The following CORO1C variants were observed in gnomAD, a reference collection of about 807,000 sequenced individuals.
CORO1C encodes the protein coronin 1C.
In CORO1C, 14 loss-of-function variants were observed where a neutral mutation model predicts 51.2. The observed-to-expected ratio is 0.27, with a 90% CI of 0.18 to 0.43. The LOEUF is 0.43. Ranked by LOEUF, CORO1C falls within the 20% of genes least tolerant of loss-of-function variation. The probability of loss-of-function intolerance (pLI) is 1.00; values close to 1 mark genes in which losing one functional copy is unlikely to be tolerated. For synonymous variants in CORO1C, 181 were observed against 210.5 expected (o/e 0.86, Z 1.21); for missense variants, 417 against 607.8 (o/e 0.69, Z 3.30).
chr12:108,720,761 G>A (rs1218826041), intron 1 of CORO1C, among the ~76,000 whole-genome samples: 2 of 151,958 alleles, frequency 1.3e-5, no homozygotes, highest in African/African-American at 2.4e-5. Context: ...CTGACCTCGT[G>A]ATCCACCCGC....
intron 3 of CORO1C, among the ~76,000 whole-genome samples, chr12:108,669,684 A>AG (rs2033638544): frequency 7.0e-6 from 1 of 143,644 alleles, no homozygotes; most frequent in African/African-American, 2.5e-5. Flanking sequence ...AAAAAAAAAA[A>AG]AAAAAAGGCG....
intron 5 of CORO1C, among the ~76,000 whole-genome samples, chr12:108,657,832 C>T (rs1200483770): frequency 3.9e-5 from 6 of 152,218 alleles, no homozygotes; most frequent in African/African-American, 9.7e-5. Flanking sequence ...GTCTAGTTAA[C>T]GCTTTCCTTG....
chr12:108,653,225 G>A (rs1054166737), intron 7 of CORO1C, among the ~76,000 whole-genome samples: 1 of 152,202 alleles, frequency 6.6e-6, no homozygotes, highest in African/African-American at 2.4e-5. Context: ...AGTCATTTCT[G>A]CATGCCCAAA....
chr12:108,650,545 C>T (rs1030481984), intron 8 of CORO1C, among the ~76,000 whole-genome samples: 1 of 152,202 alleles, frequency 6.6e-6, no homozygotes, highest in Non-Finnish European at 1.5e-5. Context: ...AAAAGACTGA[C>T]TTGGCTTTGA....
chr12:108,709,916 A>C (rs886953383), intron 1 of CORO1C, among the ~76,000 whole-genome samples: 2 of 152,220 alleles, frequency 1.3e-5, no homozygotes, highest in Non-Finnish European at 2.9e-5. Context: ...CAGTAAGATC[A>C]TCTCAGTAAT....
chr12:108,652,977 C>G (rs1247234788), intron 7 of CORO1C: 1 of 152,650 alleles, frequency 6.6e-6, no homozygotes, highest in Non-Finnish European at 1.5e-5. Context: ...AGTCAGATAT[C>G]TTTGAGTACT....
chr12:108,696,964 A>T (rs2034707524), intron 2 of CORO1C, among the ~76,000 whole-genome samples: 1 of 152,168 alleles, frequency 6.6e-6, no homozygotes, highest in Non-Finnish European at 1.5e-5. Context: ...ATTCATTCTT[A>T]AGTGTGCTGC....
chr12:108,727,918 C>T (rs756284671), intron 1 of CORO1C, among the ~76,000 whole-genome samples: 5 of 152,130 alleles, frequency 3.3e-5, no homozygotes, highest in African/African-American at 4.8e-5. Context: ...CATTAAAAAA[C>T]GGGCAGAGCA....
At chr12:108,713,928 TTATAAA>T (rs1302557338) in intron 1 of CORO1C, among the ~76,000 whole-genome samples, 3 of 152,298 alleles carry the variant, frequency 2.0e-5, no homozygotes, top group East Asian at 1.9e-4. Flanking sequence ...TGCCTACACT[TTATAAA>T]TATGAGTAAA....
intron 1 of CORO1C, chr12:108,703,003 T>G: frequency 6.9e-7 from 1 of 1,439,378 alleles, no homozygotes; most frequent in Non-Finnish European, 9.2e-7. Flanking sequence ...GGTCCTTCAT[T>G]TTGGAATCAA....
At chr12:108,674,988 A>G (rs1225845103) in intron 3 of CORO1C, among the ~76,000 whole-genome samples, 1 of 152,226 alleles carries the variant, frequency 6.6e-6, no homozygotes, top group Non-Finnish European at 1.5e-5. Flanking sequence ...GCTATCAAAC[A>G]GCATCACATG....
In CORO1C at chr12:108,645,286, C is replaced by A. The variant is rs2032306080; in HGVS notation, c.*2117G>T. The A allele has an allele frequency of 6.6e-6, 1 of 151,686 alleles. No homozygotes were observed. Among genetic ancestry groups the A allele is most frequent in the Admixed American group, 6.6e-5 (1 of 15,244 alleles). The allele number at this position is 151,686 out of a possible 1,614,324, so 9.4% of individuals were successfully genotyped here. On this transcript the variant is annotated 3_prime_UTR_variant, in exon 11 of 11. Coordinates refer to ENST00000261401, the MANE Select transcript of CORO1C (RefSeq NM_014325.4). Reference sequence around the variant, plus strand: ...AAAATAATCCACAATGCTTTGGGCGCCTACTCTGAGCTTGGCTGGGCATCC... The same window carrying A: ...AAAATAATCCACAATGCTTTGGGCGACTACTCTGAGCTTGGCTGGGCATCC...
At chr12:108,677,247 T>C (rs1439721335) in intron 3 of CORO1C, among the ~76,000 whole-genome samples, 1 of 152,210 alleles carries the variant, frequency 6.6e-6, no homozygotes, top group African/African-American at 2.4e-5. Flanking sequence ...TTCAGCCTAC[T>C]TTGGGCTAGC....
chr12:108,678,443 CG>C, intron 2 of CORO1C, 49 bp from the exon 3 acceptor site: 2 of 1,414,730 alleles, frequency 1.4e-6, no homozygotes, highest in South Asian at 3.2e-5. Flanking sequence ...ACACCACAGA[CG>C]TTATACATTT....
chr12:108,701,464 C>A, intron 1 of CORO1C, 141 bp from the exon 2 acceptor site: 2 of 1,363,550 alleles, frequency 1.5e-6, no homozygotes, highest in South Asian at 1.4e-5. Flanking sequence ...AAATTGCAAT[C>A]CAAATTTCTT....
intron 1 of CORO1C, among the ~76,000 whole-genome samples, chr12:108,714,480 A>C (rs905768725): frequency 1.3e-5 from 2 of 151,772 alleles, no homozygotes; most frequent in African/African-American, 2.4e-5. Context: ...CAAGGATAGT[A>C]TCTAAAAGGT....
intron 1 of CORO1C, among the ~76,000 whole-genome samples, chr12:108,715,407 T>A (rs939391722): frequency 2.0e-5 from 3 of 152,166 alleles, no homozygotes; most frequent in Non-Finnish European, 2.9e-5. Flanking sequence ...ATATAAGGAC[T>A]TCGAAATCAT....
chr12:108,727,495 C>T lies in CORO1C; in HGVS notation c.-6+3934G>A, dbSNP rs77272046. Reference sequence around the variant, plus strand: ...CAGGCTGAAATCAGAGCCCACCTTACTCCACACCTCATTAAGGAGTCTGAA... The same window carrying T: ...CAGGCTGAAATCAGAGCCCACCTTATTCCACACCTCATTAAGGAGTCTGAA... On this transcript the variant is annotated intron_variant, in intron 1 of 10. Transcript: ENST00000261401. 6.4e-3 allele frequency among the ~76,000 whole-genome samples: 969 copies of T among 152,222 alleles called. 6 individuals carry two copies. Among genetic ancestry groups the T allele is most frequent in the Non-Finnish European group, 1.0e-2 (680 of 68,006 alleles).
At chr12:108,691,111 C>T (rs1391040341) in intron 2 of CORO1C, among the ~76,000 whole-genome samples, 3 of 151,984 alleles carry the variant, frequency 2.0e-5, no homozygotes, top group Admixed American at 6.6e-5. Context: ...GTGGGAGGGG[C>T]TAATGCCTTG....
Sources: gnomAD v4.1 joint callset for allele counts (sites outside exome capture counted in the v4.1 genomes callset) on GRCh38, gnomAD v4.1.1 for gene constraint, MANE v1.5 for transcripts, NCBI Gene and HGNC (gene_info 2026-07-23, HGNC 2026-07-21) for gene names.